NELL1: variants seen among roughly 807,000 people sequenced by gnomAD.
NELL1 encodes the protein neural EGFL like 1.
In NELL1, 76 loss-of-function variants were observed where a neutral mutation model predicts 107.4. That is an observed-to-expected ratio of 0.71 (90% CI 0.59 to 0.86). The LOEUF (loss-of-function observed/expected upper bound fraction) is 0.86, where lower values mean the gene tolerates loss of function less well. Ranked by LOEUF, NELL1 falls within the 40% of genes least tolerant of loss-of-function variation. NELL1 has a pLI of 0.00. For missense variants in NELL1, 1,024 were observed against 1,005.5 expected, an observed-to-expected ratio of 1.02 and a Z score of -0.25; for synonymous variants, 353 against 341.2, an observed-to-expected ratio of 1.03 and a Z score of -0.38.
Position 21,446,263 on chromosome 11 carries a change from T to C in NELL1, c.1645+75315T>C, listed in dbSNP as rs1427166938. ...TTTCTCTGTGTTATCCTGAATTTCT[T>C]TGAATTTCCTCAAAACAGGTATTTT... On this transcript the variant is annotated intron_variant, in intron 15 of 19. Transcript: ENST00000357134. Among the ~76,000 whole-genome samples, 6 of 152,282 alleles carry C rather than the reference T, an allele frequency of 3.9e-5. No individual in the cohort carries two copies. In the South Asian group the frequency reaches 6.2e-4, roughly 16 times the overall value.
chr11:21,167,355 G>A (rs1358232130), intron 13 of NELL1, among the ~76,000 whole-genome samples: 1 of 151,654 alleles, frequency 6.6e-6, no homozygotes, highest in African/African-American at 2.4e-5. Context: ...ACCTGACTTG[G>A]GTACTGTTTT....
At chr11:21,053,087 G>A (rs529999064) in intron 12 of NELL1, among the ~76,000 whole-genome samples, 3 of 152,182 alleles carry the variant, frequency 2.0e-5, no homozygotes, top group South Asian at 4.1e-4. Flanking sequence ...CTGAACAGTG[G>A]GTAAAGCTGG....
chr11:21,181,711 T>G (rs1454309160), intron 13 of NELL1, among the ~76,000 whole-genome samples: 4 of 151,964 alleles, frequency 2.6e-5, no homozygotes, highest in Admixed American at 6.5e-5. Context: ...CTTTTCTCTC[T>G]ATTATCGCAG....
intron 14 of NELL1, among the ~76,000 whole-genome samples, chr11:21,340,297 C>T (rs182960102): frequency 4.6e-5 from 7 of 152,088 alleles, no homozygotes; most frequent in African/African-American, 7.2e-5. Flanking sequence ...GGACTACAGG[C>T]GCCCACCGCC....
At chr11:20,770,071 T>C (rs1340043411) in intron 2 of NELL1, among the ~76,000 whole-genome samples, 1 of 152,198 alleles carries the variant, frequency 6.6e-6, no homozygotes, top group African/African-American at 2.4e-5. Flanking sequence ...ACCAAATTAT[T>C]TGCAACAATG....
intron 12 of NELL1, among the ~76,000 whole-genome samples, chr11:21,041,609 A>G (rs889886410): frequency 2.6e-5 from 4 of 152,192 alleles, no homozygotes; most frequent in African/African-American, 4.8e-5. Context: ...ATTTGAGCTC[A>G]CCTGGGTCTG....
intron 14 of NELL1, among the ~76,000 whole-genome samples, chr11:21,308,220 G>C (rs1207946916): frequency 6.6e-6 from 1 of 152,036 alleles, no homozygotes; most frequent in Non-Finnish European, 1.5e-5. Flanking sequence ...GGAGGCTATA[G>C]TGTATCATAG....
chr11:21,175,969 T>G (rs1158383103), intron 13 of NELL1, among the ~76,000 whole-genome samples: 5 of 151,748 alleles, frequency 3.3e-5, no homozygotes, highest in African/African-American at 9.7e-5. Flanking sequence ...ATCTTTACCT[T>G]GTCTGCCATG....
At chr11:20,689,452 C>G (rs1277346462) in intron 2 of NELL1, among the ~76,000 whole-genome samples, 1 of 109,058 alleles carries the variant, frequency 9.2e-6, no homozygotes, top group Non-Finnish European at 1.7e-5. Context: ...CACCCCACAA[C>G]AGTCCCCAGA....
At chr11:21,307,582 G>A (rs1351490543) in intron 14 of NELL1, among the ~76,000 whole-genome samples, 2 of 151,626 alleles carry the variant, frequency 1.3e-5, no homozygotes, top group Non-Finnish European at 2.9e-5. Flanking sequence ...ATTTTGTTCT[G>A]AATATCCAGG....
chr11:20,846,377 T>C (rs777959635), intron 3 of NELL1, among the ~76,000 whole-genome samples: 18 of 152,192 alleles, frequency 1.2e-4, no homozygotes, highest in Non-Finnish European at 5.9e-5. Context: ...AGAAGATGCA[T>C]TTTGTCTTTT....
intron 4 of NELL1, among the ~76,000 whole-genome samples, chr11:20,873,947 AGAGATGT>A (rs1849254317): frequency 6.6e-6 from 1 of 151,898 alleles, no homozygotes; most frequent in Admixed American, 6.6e-5. Context: ...TATTTTTTGT[AGAGATGT>A]GGGTCTTCCT....
At chr11:20,727,412 T>C (rs1478069743) in intron 2 of NELL1, among the ~76,000 whole-genome samples, 3 of 152,240 alleles carry the variant, frequency 2.0e-5, no homozygotes, top group Admixed American at 2.0e-4. Flanking sequence ...GAAGTGTCTG[T>C]TCATATACTT....
chr11:21,377,330 T>C (rs1309680441), intron 15 of NELL1, among the ~76,000 whole-genome samples: 1 of 152,126 alleles, frequency 6.6e-6, no homozygotes, highest in African/African-American at 2.4e-5. Context: ...TAATTCTGTT[T>C]ATGTATTGAA....
At chr11:21,172,009 A>G (rs988489102) in intron 13 of NELL1, among the ~76,000 whole-genome samples, 7 of 151,912 alleles carry the variant, frequency 4.6e-5, no homozygotes, top group Non-Finnish European at 1.0e-4. Flanking sequence ...GATGAAATGT[A>G]CTTATGATTA....
intron 13 of NELL1, among the ~76,000 whole-genome samples, chr11:21,178,730 C>G (rs1856762176): frequency 6.6e-6 from 1 of 150,834 alleles, no homozygotes. Context: ...CACTACTGCA[C>G]TCCAGCCTTG....
intron 2 of NELL1, among the ~76,000 whole-genome samples, chr11:20,698,847 G>A (rs1286791354): frequency 2.0e-5 from 3 of 152,022 alleles, no homozygotes; most frequent in Non-Finnish European, 2.9e-5. Flanking sequence ...CTTTTCCTTT[G>A]CATTCTCATA....
At chr11:21,323,923 C>G (rs1285897454) in intron 14 of NELL1, among the ~76,000 whole-genome samples, 4 of 152,124 alleles carry the variant, frequency 2.6e-5, no homozygotes, top group African/African-American at 7.2e-5. Context: ...TGTCCACCCC[C>G]TAACTCCAAG....
intron 4 of NELL1, among the ~76,000 whole-genome samples, chr11:20,866,075 AAGAC>A (rs1164309333): frequency 6.6e-6 from 1 of 152,176 alleles, no homozygotes; most frequent in Non-Finnish European, 1.5e-5. Context: ...TTCAAGGAAG[AAGAC>A]AAAGAGTGTA....
Sources: gnomAD v4.1 joint callset for allele counts (sites outside exome capture counted in the v4.1 genomes callset) on GRCh38, gnomAD v4.1.1 for gene constraint, MANE v1.5 for transcripts, NCBI Gene and HGNC (gene_info 2026-07-23, HGNC 2026-07-21) for gene names.